The following OSBPL6 variants were observed in gnomAD, a reference collection of about 807,000 sequenced individuals.
OSBPL6 encodes the protein oxysterol-binding protein-related protein 6.
A neutral mutation model predicts 125.8 loss-of-function variants in OSBPL6; 49 were observed. That is an observed-to-expected ratio of 0.39 (90% CI 0.31 to 0.49). OSBPL6 has a LOEUF of 0.49. OSBPL6 is among the 20% of genes least tolerant of loss of function. OSBPL6 has a pLI of 0.88. For missense variants in OSBPL6, 986 were observed against 1,135.4 expected (o/e 0.87, Z 1.89); for synonymous variants, 394 against 391.8 (o/e 1.01, Z -0.07).
At chr2:178,216,900 G>A (rs546286812) in intron 1 of OSBPL6, among the ~76,000 whole-genome samples, 79 of 152,294 alleles carry the variant, frequency 5.2e-4, no homozygotes, top group African/African-American at 1.8e-3. Flanking sequence ...AGGAAAGACC[G>A]AGAAACTACT....
chr2:178,295,359 T>G (rs1303047352), intron 2 of OSBPL6, among the ~76,000 whole-genome samples: 1 of 152,210 alleles, frequency 6.6e-6, no homozygotes, highest in African/African-American at 2.4e-5. Context: ...TTCAGCACTA[T>G]AGCCCACAAG....
At chr2:178,352,212 G>GT (rs1236159083) in intron 12 of OSBPL6, among the ~76,000 whole-genome samples, 2 of 152,184 alleles carry the variant, frequency 1.3e-5, no homozygotes, top group Non-Finnish European at 2.9e-5. Flanking sequence ...ACTGAGGTAC[G>GT]TGGTTCATCT....
intron 1 of OSBPL6, among the ~76,000 whole-genome samples, chr2:178,221,551 C>T (rs565307905): frequency 1.3e-5 from 2 of 152,320 alleles, no homozygotes; most frequent in East Asian, 3.9e-4. Context: ...CGATTATGTA[C>T]GTGTCACACA....
At chr2:178,352,962 T>C (rs961202565) in intron 12 of OSBPL6, among the ~76,000 whole-genome samples, 10 of 152,200 alleles carry the variant, frequency 6.6e-5, no homozygotes, top group African/African-American at 2.4e-4. Context: ...TGGTCAGAAG[T>C]GGACCTCCAG....
chr2:178,296,724 C>T (rs1475283523), intron 2 of OSBPL6, among the ~76,000 whole-genome samples: 12 of 152,226 alleles, frequency 7.9e-5, no homozygotes, highest in Admixed American at 2.6e-4. Context: ...CCACTAGATA[C>T]GTGCCAAGGT....
chr2:178,365,263 GT>G (rs1692724348), intron 13 of OSBPL6, among the ~76,000 whole-genome samples: 1 of 152,160 alleles, frequency 6.6e-6, no homozygotes, highest in Non-Finnish European at 1.5e-5. Context: ...TTTGATGTAT[GT>G]CTAATGATTA....
At chr2:178,200,951 C>A (rs147280754) in intron 1 of OSBPL6, among the ~76,000 whole-genome samples, 3 of 151,984 alleles carry the variant, frequency 2.0e-5, no homozygotes, top group African/African-American at 7.2e-5. Context: ...CCCGCCAGCA[C>A]GCCTGGCTAA....
At chr2:178,293,455 C>T (rs112785061) in intron 2 of OSBPL6, among the ~76,000 whole-genome samples, 40 of 152,100 alleles carry the variant, frequency 2.6e-4, no homozygotes, top group African/African-American at 8.2e-4. Flanking sequence ...AGTTAGTTTA[C>T]GTTTTTGCTT....
rs146884900 is a variant in OSBPL6, at chr2:178,208,155, C to G, written c.-351+13481C>G. Reference sequence around the variant, plus strand: ...CAAAAAATTAGCCAGCGTGGTGGCACGTGCCTATAGTTCCAGCTACTTGGG... The same window carrying G: ...CAAAAAATTAGCCAGCGTGGTGGCAGGTGCCTATAGTTCCAGCTACTTGGG... On this transcript the variant is annotated intron_variant, in intron 1 of 24. Transcript: ENST00000190611. 1.5e-3 allele frequency among the ~76,000 whole-genome samples: 225 copies of G among 151,896 alleles called. 3 individuals are homozygous for G. Among genetic ancestry groups the G allele is most frequent in the African/African-American group, 5.2e-3 (217 of 41,436 alleles).
At chr2:178,301,743 C>G (rs900702511) in intron 2 of OSBPL6, among the ~76,000 whole-genome samples, 3 of 152,134 alleles carry the variant, frequency 2.0e-5, no homozygotes, top group Admixed American at 2.0e-4. Flanking sequence ...ACCTGTACCA[C>G]CTACAAGCAA....
At chr2:178,235,386 T>C (rs1448982481) in intron 1 of OSBPL6, among the ~76,000 whole-genome samples, 2 of 129,506 alleles carry the variant, frequency 1.5e-5, no homozygotes, top group African/African-American at 6.1e-5. Flanking sequence ...TCTTTCCTTT[T>C]TCTTTTCTTT....
intron 3 of OSBPL6, among the ~76,000 whole-genome samples, chr2:178,321,752 GATA>G (rs1688263593): frequency 6.6e-6 from 1 of 152,074 alleles, no homozygotes; most frequent in Admixed American, 6.6e-5. Flanking sequence ...ATACATTAGT[GATA>G]ATAAAAATAT....
intron 2 of OSBPL6, among the ~76,000 whole-genome samples, chr2:178,302,290 G>A (rs537079006): frequency 5.6e-4 from 86 of 152,216 alleles, no homozygotes; most frequent in African/African-American, 1.9e-3. Context: ...GTCACAATAC[G>A]TTTCTCATTG....
At chr2:178,391,283 C>T in intron 22 of OSBPL6, 66 bp downstream of exon 22, 2 of 1,462,418 alleles carry the variant, frequency 1.4e-6, no homozygotes, top group Non-Finnish European at 1.8e-6. Flanking sequence ...AAGAGAACAT[C>T]AGGTCATCTT....
At chr2:178,288,371 A>G (rs1684908248) in intron 2 of OSBPL6, among the ~76,000 whole-genome samples, 1 of 152,202 alleles carries the variant, frequency 6.6e-6, no homozygotes, top group African/African-American at 2.4e-5. Context: ...AGGAGGGACA[A>G]GAGAAGATTC....
In OSBPL6 at chr2:178,385,539, A is replaced by G; in HGVS notation, c.2077+18A>G. ...TTGGCAAGGTTTGTATTTCAATTAT[A>G]ATTTAAAATCAAATGTATGAGCCTA... On this transcript the variant is annotated intron_variant, in intron 19 of 24. Transcript: ENST00000190611. 2 of 1,557,574 alleles carry G rather than the reference A, an allele frequency of 1.3e-6. No homozygotes were observed. Among genetic ancestry groups the G allele is most frequent in the Non-Finnish European group, 1.8e-6 (2 of 1,129,958 alleles).
chr2:178,370,777 G>A (rs1693310059), intron 13 of OSBPL6, among the ~76,000 whole-genome samples: 1 of 152,086 alleles, frequency 6.6e-6, no homozygotes, highest in African/African-American at 2.4e-5. Flanking sequence ...TCAAGTATAT[G>A]ATTTGACATA....
chr2:178,202,544 C>T lies in OSBPL6; in HGVS notation c.-351+7870C>T, dbSNP rs180743321. Among the ~76,000 whole-genome samples, 140 of 151,972 alleles carry T rather than the reference C, an allele frequency of 9.2e-4. 2 individuals carry two copies. The South Asian group carries it at 0.011, about 12-fold the overall frequency. On this transcript the variant is annotated intron_variant, in intron 1 of 24. Transcript: ENST00000190611. ...TGCTTTAAGATTTCTTTTTATCTGC[C>T]GGGCGCTGTGGCTGACGCCTGTAAT...
chr2:178,363,025 T>C (rs1200970510), intron 13 of OSBPL6, among the ~76,000 whole-genome samples: 2 of 152,190 alleles, frequency 1.3e-5, no homozygotes. Context: ...GTATCGTGAA[T>C]CAGAAAGATC....
Sources: allele counts gnomAD v4.1 joint callset (sites outside exome capture counted in the v4.1 genomes callset), GRCh38; gene constraint gnomAD v4.1.1; transcripts MANE v1.5; gene names NCBI Gene and HGNC (gene_info 2026-07-23, HGNC 2026-07-21).